The following RASGEF1B variants were observed in gnomAD, a reference collection of about 807,000 sequenced individuals.
RASGEF1B encodes the protein ras-GEF domain-containing family member 1B.
Under a neutral mutation model 65.7 loss-of-function variants are expected in RASGEF1B, and 30 were observed. That is an observed-to-expected ratio of 0.46 (90% confidence interval 0.34 to 0.62). RASGEF1B has a LOEUF of 0.62. Ranked by LOEUF, RASGEF1B falls within the 20% of genes least tolerant of loss-of-function variation. The probability of loss-of-function intolerance (pLI) is 0.01; values close to 1 mark genes in which losing one functional copy is unlikely to be tolerated. For missense variants in RASGEF1B, 495 were observed against 580.1 expected (o/e 0.85, Z 1.51); for synonymous variants, 175 against 194.8 (o/e 0.90, Z 0.85).
At chr4:81,439,407 T>C (rs890656704) in intron 10 of RASGEF1B, among the ~76,000 whole-genome samples, 3 of 152,186 alleles carry the variant, frequency 2.0e-5, no homozygotes, top group African/African-American at 2.4e-5. Context: ...GAAGGGTAAA[T>C]ACTTGGGACT....
At chr4:81,452,993 T>C (rs919687177) in intron 4 of RASGEF1B, 1 of 143,110 alleles carries the variant, frequency 7.0e-6, no homozygotes, top group Admixed American at 7.1e-5. Flanking sequence ...ATTCACTGAC[T>C]GCCAAAAGGA....
chr4:81,435,315 G>A (rs1721576206), intron 10 of RASGEF1B, among the ~76,000 whole-genome samples: 1 of 150,390 alleles, frequency 6.6e-6, no homozygotes, highest in Non-Finnish European at 1.5e-5. Flanking sequence ...GGAGGCTGAG[G>A]CAGGAGAATG....
intron 8 of RASGEF1B, among the ~76,000 whole-genome samples, chr4:81,442,740 T>C (rs1216668184): frequency 3.3e-5 from 5 of 152,256 alleles, no homozygotes; most frequent in Admixed American, 3.3e-4. Flanking sequence ...TATGGTTGTG[T>C]TCCAGTAAAA....
intron 10 of RASGEF1B, among the ~76,000 whole-genome samples, chr4:81,435,463 ATTTTTTT>A (rs1200565994): frequency 5.1e-5 from 4 of 78,358 alleles, no homozygotes; most frequent in African/African-American, 1.7e-4. Context: ...GCAGGCACCG[ATTTTTTT>A]TTTTTTTTTT....
In RASGEF1B at chr4:81,442,293, A is replaced by C; in HGVS notation, c.1008+4T>G. 6.2e-7 allele frequency: 1 copy of C among 1,601,820 alleles called. No homozygotes were observed. The highest frequency in any genetic ancestry group is 1.1e-5 in the South Asian group (1 of 90,832). ...CTTAACAGCAAAACATCAGCTTCAC[A>C]TACCTCAAGAATGTCAAATTTTGCA... On this transcript the variant is annotated splice_donor_region_variant and intron_variant, in intron 9 of 13. Coordinates refer to ENST00000264400, the MANE Select transcript of RASGEF1B (RefSeq NM_152545.3).
At chr4:81,434,919 A>T (rs1196645644) in intron 10 of RASGEF1B, among the ~76,000 whole-genome samples, 185 bp from the exon 11 acceptor site, 1 of 152,230 alleles carries the variant, frequency 6.6e-6, no homozygotes, top group Non-Finnish European at 1.5e-5. Context: ...CTTATACTAC[A>T]ACTGCTATAA....
chr4:81,447,759 T>A (rs1202018165), intron 5 of RASGEF1B, among the ~76,000 whole-genome samples, 181 bp from the exon 6 acceptor site: 4 of 152,142 alleles, frequency 2.6e-5, no homozygotes, highest in African/African-American at 9.7e-5. Context: ...TCTGCTTGGG[T>A]CAATGTTCCA....
intron 13 of RASGEF1B, among the ~76,000 whole-genome samples, chr4:81,430,917 G>T (rs1721409212): frequency 6.6e-6 from 1 of 152,090 alleles, no homozygotes; most frequent in African/African-American, 2.4e-5. Context: ...TTTATGTGTA[G>T]CCAATCTGCT....
At chr4:81,467,086 C>T (rs180698508) in intron 1 of RASGEF1B, among the ~76,000 whole-genome samples, 215 of 151,862 alleles carry the variant, frequency 1.4e-3, no homozygotes, top group African/African-American at 4.9e-3. Flanking sequence ...GAAAGTGAGT[C>T]CCACATGCTT....
chr4:81,465,934 A>AT (rs1030677209), intron 1 of RASGEF1B, among the ~76,000 whole-genome samples: 3 of 152,244 alleles, frequency 2.0e-5, no homozygotes, highest in Admixed American at 6.5e-5. Context: ...AAAAAGGTTT[A>AT]TTTTTTTCAA....
chr4:81,462,144 T>C (rs1337962712), intron 1 of RASGEF1B, among the ~76,000 whole-genome samples: 1 of 152,212 alleles, frequency 6.6e-6, no homozygotes, highest in Non-Finnish European at 1.5e-5. Flanking sequence ...CCACCAGATA[T>C]GTTTTCCATC....
chr4:81,434,604 G>A (rs561478222), intron 11 of RASGEF1B, 35 bp downstream of exon 11: 95 of 1,277,008 alleles, frequency 7.4e-5, no homozygotes, highest in Non-Finnish European at 1.1e-4. Flanking sequence ...CTCTCCTTGT[G>A]CTTGGATTTT....
chr4:81,445,963 A>G, intron 6 of RASGEF1B, 125 bp from the exon 7 acceptor site: 2 of 671,968 alleles, frequency 3.0e-6, no homozygotes, highest in Non-Finnish European at 5.1e-6. Context: ...GAACAACAGA[A>G]AGAGAGAGAG....
chr4:81,463,039 C>T (rs1722700323), intron 1 of RASGEF1B, among the ~76,000 whole-genome samples: 1 of 152,166 alleles, frequency 6.6e-6, no homozygotes, highest in South Asian at 2.1e-4. Flanking sequence ...AAATTTATTA[C>T]ACTACATTAT....
In RASGEF1B at chr4:81,445,576, G is replaced by A; in HGVS notation, c.878C>T (p.Ala293Val). The A allele has an allele frequency of 6.2e-7, 1 of 1,614,008 alleles. No individual in the cohort carries two copies. The highest frequency in any genetic ancestry group is 8.5e-7 in the Non-Finnish European group (1 of 1,179,936). ...ARMIEYFIDV[A>V]RECFNIGNFN... ...GTTGCCAATGTTAAAACACTCCCGA[G>A]CTACGTCAATGAAATACTCAATCAT... is the stretch of plus-strand genomic sequence containing the variant. The change falls in exon 8 of 14, where the codon GCT (alanine) becomes GTT (valine). Residue 293 changes from alanine (A) to valine (V), a missense_variant. Physicochemically the swap from Ala to Val is moderately conservative, Grantham distance 64. Transcript: ENST00000264400.
intron 1 of RASGEF1B, among the ~76,000 whole-genome samples, chr4:81,468,564 T>C (rs1333684974): frequency 6.6e-6 from 1 of 152,190 alleles, no homozygotes. Flanking sequence ...GTAATATTGA[T>C]TTAATAGGCC....
At chr4:81,466,683 T>C (rs1722821063) in intron 1 of RASGEF1B, among the ~76,000 whole-genome samples, 1 of 146,010 alleles carries the variant, frequency 6.8e-6, no homozygotes, top group Admixed American at 6.9e-5. Flanking sequence ...TGTTTGAACC[T>C]GGAAGACAGA....
At chr4:81,440,112 C>T (rs1278450539) in intron 10 of RASGEF1B, among the ~76,000 whole-genome samples, 3 of 152,180 alleles carry the variant, frequency 2.0e-5, no homozygotes, top group African/African-American at 7.2e-5. Flanking sequence ...TAACCTCCAT[C>T]AAGCAACCTT....
chr4:81,439,747 C>A (rs1721771247), intron 10 of RASGEF1B, among the ~76,000 whole-genome samples: 1 of 152,140 alleles, frequency 6.6e-6, no homozygotes, highest in Non-Finnish European at 1.5e-5. Flanking sequence ...CACAAGAGTA[C>A]TGGGATTGAG....
Sources: gnomAD v4.1 joint callset for allele counts (sites outside exome capture counted in the v4.1 genomes callset) on GRCh38, gnomAD v4.1.1 for gene constraint, MANE v1.5 for transcripts, NCBI Gene and HGNC (gene_info 2026-07-23, HGNC 2026-07-21) for gene names.